Variants in FETUB observed in about 807,000 individuals in gnomAD.
The protein encoded by FETUB is fetuin B, also known as fetuin-B.
A neutral mutation model predicts 30.9 loss-of-function variants in FETUB; 28 were observed. The observed-to-expected ratio is 0.90, with a 90% CI of 0.67 to 1.24. FETUB has a LOEUF of 1.24. Ranked by LOEUF, FETUB falls within the 50% of genes most tolerant of loss-of-function variation. The probability of loss-of-function intolerance (pLI) is 0.00; values close to 1 mark genes in which losing one functional copy is unlikely to be tolerated. For missense variants in FETUB, 469 were observed against 455.3 expected, an observed-to-expected ratio of 1.03 and a Z score of -0.27; for synonymous variants, 186 against 175.9, an observed-to-expected ratio of 1.06 and a Z score of -0.45.
chr3:186,643,427 G>A (rs779404390), intron 3 of FETUB, among the ~76,000 whole-genome samples: 2 of 152,122 alleles, frequency 1.3e-5, no homozygotes, highest in Non-Finnish European at 2.9e-5. Flanking sequence ...CGTGCGTGTC[G>A]CTCCCCTGGT....
Position 186,652,361 on chromosome 3 carries a change from C to T in FETUB, c.879C>T (p.Asp293=), listed in dbSNP as rs1330172581. ...AGCAGAAAAACACCCCCCCAACAGACTCCCCCTCCAAAGCTGGGCCAAGAG... is the reference window on the plus strand; with the variant it reads ...AGCAGAAAAACACCCCCCCAACAGATTCCCCCTCCAAAGCTGGGCCAAGAG... The part of the protein sequence containing the change: ...ESQQKNTPPT[D]SPSKAGPRGS... Residue 293 remains aspartate, a synonymous_variant, in exon 7 of 7, where the codon GAC becomes GAT. Coordinates refer to ENST00000265029, the MANE Select transcript of FETUB (RefSeq NM_014375.3). 1 of 1,564,562 alleles carries T rather than the reference C, an allele frequency of 6.4e-7. No individual in the cohort carries two copies. The highest frequency in any genetic ancestry group is 8.8e-7 in the Non-Finnish European group (1 of 1,137,496).
chr3:186,648,678 A>C (rs1413616261), intron 5 of FETUB, among the ~76,000 whole-genome samples: 1 of 152,244 alleles, frequency 6.6e-6, no homozygotes, highest in African/African-American at 2.4e-5. Flanking sequence ...TTCTTTCAAC[A>C]AAGTTTTGTA....
At chr3:186,645,784 T>G (rs1158424125) in intron 4 of FETUB, among the ~76,000 whole-genome samples, 1 of 138,430 alleles carries the variant, frequency 7.2e-6, no homozygotes, top group Non-Finnish European at 1.5e-5. Context: ...TAGAGTGCTG[T>G]GGCGCGATCT....
rs189668444 is a variant in FETUB, at chr3:186,644,104, C to T, written c.425-647C>T. 2.1e-3 allele frequency among the ~76,000 whole-genome samples: 326 copies of T among 152,198 alleles called. 2 individuals are homozygous for T. The highest frequency in any genetic ancestry group is 7.5e-3 in the South Asian group (36 of 4,822). ...TATTAGTATATCCATCATCTCAAACCTTTATCACTTCCTTGTGTCGGGAAC... is the reference window on the plus strand; with the variant it reads ...TATTAGTATATCCATCATCTCAAACTTTTATCACTTCCTTGTGTCGGGAAC... On this transcript the variant is annotated intron_variant, in intron 3 of 6. Transcript: ENST00000265029.
upstream of FETUB, among the ~76,000 whole-genome samples, chr3:186,636,511 C>A (rs1454559749): frequency 6.6e-6 from 1 of 152,190 alleles, no homozygotes; most frequent in African/African-American, 2.4e-5. Context: ...TGCTATAAGG[C>A]AGATTTGCCC....
At position 186,652,888 on chromosome 3, in the gene FETUB, A is replaced by G. The variant is rs576189039; in HGVS notation, c.*257A>G. 2.9e-5 allele frequency: 11 copies of G among 375,704 alleles called. No homozygotes were observed. Among genetic ancestry groups the G allele is most frequent in the Non-Finnish European group, 4.8e-5 (10 of 210,124 alleles). 23.3% of individuals were successfully genotyped at this position (375,704 alleles called of 1,614,324 possible). On this transcript the variant is annotated 3_prime_UTR_variant, in exon 7 of 7. Coordinates refer to ENST00000265029, the MANE Select transcript of FETUB (RefSeq NM_014375.3). ...TAAACTGAGCAGTCTCATACCATGG[A>G]GAGATGCCTCTCTTATGTCTTCAGC... is the stretch of plus-strand genomic sequence containing the variant.
intron 5 of FETUB, among the ~76,000 whole-genome samples, chr3:186,647,875 T>C (rs1162844887): frequency 6.6e-6 from 1 of 152,156 alleles, no homozygotes; most frequent in African/African-American, 2.4e-5. Flanking sequence ...TTTCTTATTT[T>C]GAATATGCTT....
At chr3:186,645,635 C>A (rs1392484464) in intron 4 of FETUB, among the ~76,000 whole-genome samples, 2 of 149,324 alleles carry the variant, frequency 1.3e-5, no homozygotes, top group Non-Finnish European at 1.5e-5. Flanking sequence ...GCCGATATTT[C>A]TTTCATAAGC....
intron 6 of FETUB, chr3:186,651,818 G>A (rs977758724): frequency 1.8e-5 from 3 of 168,116 alleles, no homozygotes; most frequent in South Asian, 3.2e-4. Context: ...ACCTGTTCGA[G>A]TTTTGGTTGC....
upstream of FETUB, among the ~76,000 whole-genome samples, chr3:186,639,624 A>C (rs75828796): frequency 1.0e-4 from 15 of 148,964 alleles, no homozygotes; most frequent in African/African-American, 3.7e-4. Flanking sequence ...GGTCCCAATA[A>C]GTAGAACCTT....
Position 186,644,794 on chromosome 3 carries a change from C to T in FETUB, c.468C>T (p.Ser156=), listed in dbSNP as rs766718434. ...ACATGACGTGCCCTGACTGCCCAAGCTCCATACCCACTGACTCTTCCAATC... is the reference window on the plus strand; with the variant it reads ...ACATGACGTGCCCTGACTGCCCAAGTTCCATACCCACTGACTCTTCCAATC... ...KIYMTCPDCP[S]SIPTDSSNHQ... The change falls in exon 4 of 7, where the codon AGC becomes AGT. Residue 156 remains serine (S), a synonymous_variant. Coordinates refer to ENST00000265029, the MANE Select transcript of FETUB (RefSeq NM_014375.3). The T allele has an allele frequency of 3.0e-5, 48 of 1,613,558 alleles. No individual in the cohort carries two copies. Among genetic ancestry groups the T allele is most frequent in the Non-Finnish European group, 4.1e-5 (48 of 1,179,868 alleles).
At chr3:186,645,441 C>T (rs1402218246) in intron 4 of FETUB, among the ~76,000 whole-genome samples, 1 of 152,092 alleles carries the variant, frequency 6.6e-6, no homozygotes, top group Non-Finnish European at 1.5e-5. Flanking sequence ...AGTCCTCCTA[C>T]CTCAGCCTCT....
upstream of FETUB, among the ~76,000 whole-genome samples, chr3:186,638,920 T>A (rs1465430076): frequency 6.6e-6 from 1 of 152,192 alleles, no homozygotes; most frequent in Admixed American, 6.5e-5. Context: ...TCGTTCCTAT[T>A]TGAAAACAAT....
chr3:186,640,804 G>A (rs938908998), intron 1 of FETUB, 119 bp downstream of exon 1: 12 of 853,190 alleles, frequency 1.4e-5, no homozygotes, highest in Middle Eastern at 2.7e-4. Flanking sequence ...GCCCTGCCGA[G>A]AACTCTCTGT....
chr3:186,640,335 A>C, upstream of FETUB: 1 of 713,032 alleles, frequency 1.4e-6, no homozygotes, highest in East Asian at 2.5e-5. Context: ...TTCAGAATTC[A>C]AGGTGAACTT....
At chr3:186,646,431 G>A (rs1717551355) in intron 5 of FETUB, 82 bp downstream of exon 5, 1 of 1,027,238 alleles carries the variant, frequency 9.7e-7, no homozygotes, top group Non-Finnish European at 1.5e-6. Context: ...TACATATGAG[G>A]TGTCATAAGG....
chr3:186,647,571 G>T (rs1386954003), intron 5 of FETUB, among the ~76,000 whole-genome samples: 1 of 151,962 alleles, frequency 6.6e-6, no homozygotes, highest in Non-Finnish European at 1.5e-5. Context: ...ATTTTTATTT[G>T]CATTTTCCTA....
upstream of FETUB, chr3:186,640,375 C>A: frequency 9.5e-7 from 1 of 1,048,948 alleles, no homozygotes; most frequent in Non-Finnish European, 1.5e-6. Flanking sequence ...AACAAAACCG[C>A]TCAAGTCTGC....
intron 5 of FETUB, among the ~76,000 whole-genome samples, chr3:186,649,719 C>T (rs1387425447): frequency 6.6e-6 from 1 of 152,172 alleles, no homozygotes; most frequent in East Asian, 1.9e-4. Context: ...GATCCTCCTG[C>T]CTCAGCCTCC....
Sources: gnomAD v4.1 joint callset for allele counts (sites outside exome capture counted in the v4.1 genomes callset) on GRCh38, gnomAD v4.1.1 for gene constraint, MANE v1.5 for transcripts, NCBI Gene and HGNC (gene_info 2026-07-23, HGNC 2026-07-21) for gene names.